Variants in ZFAT observed in about 807,000 individuals in gnomAD.
ZFAT encodes the protein zinc finger and AT-hook domain containing.
In ZFAT, 64 loss-of-function variants were observed where a neutral mutation model predicts 117.7. The ratio of observed to expected loss-of-function variants is 0.54; its 90% confidence interval spans 0.44 to 0.67. The LOEUF (loss-of-function observed/expected upper bound fraction) is 0.67. ZFAT is among the 30% of genes least tolerant of loss of function. ZFAT has a pLI of 0.00. For synonymous variants in ZFAT, 679 were observed against 615.0 expected, an observed-to-expected ratio of 1.10 and a Z score of -1.54; for missense variants, 1,433 against 1,584.5, an observed-to-expected ratio of 0.90 and a Z score of 1.62.
At position 134,589,554 on chromosome 8, in the gene ZFAT, G is replaced by A. The variant is rs58312967; in HGVS notation, c.2563+714C>T. Among the ~76,000 whole-genome samples, 1,067 of 152,346 alleles carry A rather than the reference G, an allele frequency of 7.0e-3. 7 individuals are homozygous for A. The highest frequency in any genetic ancestry group is 0.024 in the African/African-American group (1,011 of 41,568). ...CCTGGGCCTGCCTGTAGAGGCACTG[G>A]AGATGAGGCGGGATAAGCCCCGACT... On this transcript the variant is annotated intron_variant, in intron 8 of 15. Coordinates refer to ENST00000377838, the MANE Select transcript of ZFAT (RefSeq NM_020863.4).
At chr8:134,685,056 G>A (rs1471622460) in intron 1 of ZFAT, among the ~76,000 whole-genome samples, 1 of 152,162 alleles carries the variant, frequency 6.6e-6, no homozygotes, top group East Asian at 1.9e-4. Flanking sequence ...GCAAGGAGGT[G>A]TTTACGCTGC....
At chr8:134,546,570 G>A (rs111899935) in intron 11 of ZFAT, among the ~76,000 whole-genome samples, 10 of 152,274 alleles carry the variant, frequency 6.6e-5, no homozygotes, top group South Asian at 2.1e-4. Flanking sequence ...ATCAGAGCCC[G>A]TAAAGGATGA....
chr8:134,717,677 G>A (rs1360477480), upstream of ZFAT, among the ~76,000 whole-genome samples: 3 of 149,662 alleles, frequency 2.0e-5, no homozygotes, highest in East Asian at 2.0e-4. Context: ...TAGTAGAGAC[G>A]GGGTTTCACC....
intron 10 of ZFAT, among the ~76,000 whole-genome samples, chr8:134,568,151 C>T (rs568600556): frequency 2.0e-5 from 3 of 152,318 alleles, no homozygotes; most frequent in Admixed American, 2.0e-4. Context: ...GCCTCAATAA[C>T]AGCAGCAAAA....
At chr8:134,728,680 A>T in the ZFAT span, among the ~76,000 whole-genome samples, 1 of 152,182 alleles carries the variant, frequency 6.6e-6, no homozygotes, top group Admixed American at 6.5e-5. Context: ...TTAGCCAAGG[A>T]TCTAATCAAA....
chr8:134,481,807 A>G (rs1453256971), intron 15 of ZFAT, among the ~76,000 whole-genome samples: 1 of 152,206 alleles, frequency 6.6e-6, no homozygotes, highest in Non-Finnish European at 1.5e-5. Flanking sequence ...GTAACTCTGC[A>G]GCAGCAGCGC....
chr8:134,570,781 T>C (rs1179763007), intron 10 of ZFAT, among the ~76,000 whole-genome samples: 1 of 152,102 alleles, frequency 6.6e-6, no homozygotes, highest in Non-Finnish European at 1.5e-5. Context: ...CCCAAAGTCA[T>C]AGGAGATTGG....
intron 11 of ZFAT, among the ~76,000 whole-genome samples, chr8:134,541,311 T>C (rs1822234749): frequency 6.6e-6 from 1 of 152,118 alleles, no homozygotes; most frequent in South Asian, 2.1e-4. Flanking sequence ...GGAGAGGAAT[T>C]GGTAGCTTTA....
chr8:134,790,224 A>T, the ZFAT span, among the ~76,000 whole-genome samples: 1 of 152,222 alleles, frequency 6.6e-6, no homozygotes, highest in African/African-American at 2.4e-5. Flanking sequence ...TGTAGCCCTT[A>T]TATTTTGGGA....
In ZFAT at chr8:134,600,570, T is replaced by C; in HGVS notation, c.2341A>G (p.Thr781Ala). Residue 781 changes from threonine to alanine, a missense_variant, in exon 7 of 16, where the codon ACC (threonine) becomes GCC (alanine). Around this residue, in one of 5 missense-constraint regions of ZFAT, gnomAD observed 49 missense variants for 81.5 expected, o/e 0.60. Coordinates refer to ENST00000377838, the MANE Select transcript of ZFAT (RefSeq NM_020863.4). ...YCSQCHYSSI[T>A]KNCLKRHVIQ... The stretch of plus-strand genomic sequence containing the variant: ...ACGTGGCGTTTAAGGCAGTTTTTGG[T>C]GATGGAAGAATAATGACACTGAGAG... 3 of 1,614,054 alleles carry C rather than the reference T, an allele frequency of 1.9e-6. No homozygotes were observed. Among genetic ancestry groups the C allele is most frequent in the Non-Finnish European group, 2.5e-6 (3 of 1,180,018 alleles).
intron 15 of ZFAT, among the ~76,000 whole-genome samples, chr8:134,491,250 T>C (rs1054475777): frequency 3.9e-5 from 6 of 152,210 alleles, no homozygotes; most frequent in African/African-American, 1.4e-4. Flanking sequence ...TGTACTTCAT[T>C]TGCTCTACGA....
chr8:134,503,329 G>A (rs1472503229), intron 15 of ZFAT, among the ~76,000 whole-genome samples: 1 of 152,192 alleles, frequency 6.6e-6, no homozygotes. Context: ...ATCTGCCAAT[G>A]GATGTGTTTT....
chr8:134,740,890 C>T, the ZFAT span, among the ~76,000 whole-genome samples: 1 of 152,182 alleles, frequency 6.6e-6, no homozygotes, highest in South Asian at 2.1e-4. Flanking sequence ...GGGGCTGTGG[C>T]ATTTCATCTA....
At chr8:134,543,405 A>G (rs902481945) in intron 11 of ZFAT, among the ~76,000 whole-genome samples, 2 of 152,256 alleles carry the variant, frequency 1.3e-5, no homozygotes, top group Non-Finnish European at 2.9e-5. Flanking sequence ...GCTCCAAACC[A>G]TCTCACTCCC....
At chr8:134,545,595 C>T (rs1822635331) in intron 11 of ZFAT, among the ~76,000 whole-genome samples, 2 of 152,218 alleles carry the variant, frequency 1.3e-5, no homozygotes, top group Admixed American at 1.3e-4. Flanking sequence ...AAAGTAATTA[C>T]AGTTTTTGCC....
At chr8:134,771,892 G>GGTCTCTAAACTGGGCCCTCCA in the ZFAT span, among the ~76,000 whole-genome samples, 1 of 152,224 alleles carries the variant, frequency 6.6e-6, no homozygotes, top group Non-Finnish European at 1.5e-5. Flanking sequence ...GGAGGAGCAA[G>GGTCTCTAAACTGGGCCCTCCA]TCACATCTTA....
intron 5 of ZFAT, among the ~76,000 whole-genome samples, chr8:134,605,278 G>A (rs1188286783): frequency 6.6e-6 from 1 of 152,242 alleles, no homozygotes; most frequent in Non-Finnish European, 1.5e-5. Context: ...CAGGCGCAGT[G>A]GCTCACGCCT....
chr8:134,656,809 G>A (rs558023424), intron 2 of ZFAT, among the ~76,000 whole-genome samples: 110 of 152,238 alleles, frequency 7.2e-4, no homozygotes, highest in African/African-American at 2.3e-3. Flanking sequence ...TCTTTGCAGC[G>A]GTTCCTCATG....
At chr8:134,521,842 C>T (rs772640606) in intron 12 of ZFAT, among the ~76,000 whole-genome samples, 13 of 152,228 alleles carry the variant, frequency 8.5e-5, no homozygotes, top group Non-Finnish European at 1.8e-4. Context: ...ACCACCGGGC[C>T]GCCACCCTGA....
Sources: allele counts gnomAD v4.1 joint callset (sites outside exome capture counted in the v4.1 genomes callset), GRCh38; gene constraint gnomAD v4.1.1; regional missense constraint gnomAD v4.1.1; transcripts MANE v1.5; gene names NCBI Gene and HGNC (gene_info 2026-07-23, HGNC 2026-07-21).